The following POLD3 variants were observed in gnomAD, a reference collection of about 807,000 sequenced individuals.
POLD3 encodes DNA polymerase delta 3, accessory subunit.
POLD3 carries 19 observed loss-of-function variants against 58.2 expected under a neutral mutation model. That is an observed-to-expected ratio of 0.33 (90% CI 0.23 to 0.48). The LOEUF (loss-of-function observed/expected upper bound fraction) is 0.48, where lower values mean the gene tolerates loss of function less well. POLD3 is among the 20% of genes least tolerant of loss of function. The pLI is 0.99. For missense variants in POLD3, 504 were observed against 545.5 expected, an observed-to-expected ratio of 0.92 and a Z score of 0.76; for synonymous variants, 172 against 193.5, an observed-to-expected ratio of 0.89 and a Z score of 0.92.
intron 9 of POLD3, among the ~76,000 whole-genome samples, chr11:74,629,586 C>CTTTT (rs59268270): frequency 6.9e-6 from 1 of 144,380 alleles, no homozygotes; most frequent in South Asian, 2.2e-4. Flanking sequence ...CTTTTCTTTT[C>CTTTT]TTTTTTTTTT....
At chr11:74,669,085 A>G (rs929950986) in exon 5 of POLD3, 1 of 263,556 alleles carries the variant, frequency 3.8e-6, no homozygotes, top group African/African-American at 2.3e-5. Context: ...CAGAGGACCC[A>G]GGGTCTCTGC....
intron 2 of POLD3, among the ~76,000 whole-genome samples, chr11:74,603,496 T>C (rs770523658): frequency 6.6e-6 from 1 of 152,100 alleles, no homozygotes; most frequent in Non-Finnish European, 1.5e-5. Flanking sequence ...CCACCCTGGG[T>C]TTGCCCAGGA....
intron 4 of POLD3, among the ~76,000 whole-genome samples, chr11:74,666,955 T>G (rs11236203): frequency 0.45 from 66,058 of 145,934 alleles, 15,169 homozygotes; most frequent in Non-Finnish European, 0.52. Flanking sequence ...ATGTTTAAAG[T>G]TGCTAAAAAA....
At chr11:74,630,933 G>T (rs189100809) in intron 9 of POLD3, among the ~76,000 whole-genome samples, 1 of 152,254 alleles carries the variant, frequency 6.6e-6, no homozygotes, top group African/African-American at 2.4e-5. Flanking sequence ...ATGTGAGTGG[G>T]GTTATTTAGT....
At chr11:74,599,506 A>G (rs764599015) in intron 2 of POLD3, among the ~76,000 whole-genome samples, 14 of 151,754 alleles carry the variant, frequency 9.2e-5, no homozygotes, top group Non-Finnish European at 1.9e-4. Context: ...TGGGGATTAC[A>G]GCACCTGCCA....
At chr11:74,615,368 G>GA (rs112563653) in intron 5 of POLD3, among the ~76,000 whole-genome samples, 70 of 152,336 alleles carry the variant, frequency 4.6e-4, no homozygotes, top group African/African-American at 1.6e-3. Flanking sequence ...AGCCCCTAAG[G>GA]AAAGAGGTTC....
intron 11 of POLD3, among the ~76,000 whole-genome samples, chr11:74,637,215 C>G (rs2032773647): frequency 6.6e-6 from 1 of 151,950 alleles, no homozygotes; most frequent in Non-Finnish European, 1.5e-5. Context: ...ATCAACCTTT[C>G]CAGGTTCTTA....
intron 4 of POLD3, among the ~76,000 whole-genome samples, chr11:74,660,827 T>C (rs1240642045): frequency 6.6e-6 from 1 of 152,182 alleles, no homozygotes; most frequent in Non-Finnish European, 1.5e-5. Context: ...ACTGAGTCAA[T>C]GAAACCTTTT....
intron 8 of POLD3, among the ~76,000 whole-genome samples, chr11:74,628,109 A>G (rs2032483410): frequency 6.6e-6 from 1 of 152,130 alleles, no homozygotes; most frequent in African/African-American, 2.4e-5. Context: ...AACTCAGTCA[A>G]AATTTGATCT....
chr11:74,615,270 A>C (rs926179751), intron 5 of POLD3, among the ~76,000 whole-genome samples: 1 of 152,214 alleles, frequency 6.6e-6, no homozygotes, highest in African/African-American at 2.4e-5. Context: ...CATAGTAAGC[A>C]CTATTTAATG....
At chr11:74,656,953 A>G (rs1241461073) in intron 4 of POLD3, among the ~76,000 whole-genome samples, 1 of 7,204 alleles carries the variant, frequency 1.4e-4, no homozygotes, top group Non-Finnish European at 3.3e-4. Context: ...AAATCTGGCC[A>G]GTGCTGAAAG....
rs753406929 is a variant in POLD3 at position 74,592,637 on chromosome 11, C to T, written c.-22C>T. ...CTGTGATTGAGAGAGGGGTTAGAGG[C>T]GGGTCCCAGCGCTGCCGCACCATGG... On this transcript the variant is annotated 5_prime_UTR_variant, in exon 1 of 12. Transcript: ENST00000263681. The T allele has an allele frequency of 3.8e-6, 6 of 1,599,984 alleles. No individual in the cohort carries two copies. The Admixed American group carries it at 5.1e-5, about 14-fold the overall frequency.
At chr11:74,616,331 C>G (rs2032077769) in intron 5 of POLD3, among the ~76,000 whole-genome samples, 1 of 152,172 alleles carries the variant, frequency 6.6e-6, no homozygotes, top group Admixed American at 6.5e-5. Context: ...CAACTGAGAT[C>G]TCACTTATGA....
At chr11:74,605,214 T>C (rs1210104533) in intron 3 of POLD3, among the ~76,000 whole-genome samples, 1 of 152,240 alleles carries the variant, frequency 6.6e-6, no homozygotes, top group Admixed American at 6.5e-5. Flanking sequence ...TCTAAGTGCC[T>C]GAAGGGTAAG....
chr11:74,595,872 C>T (rs909859163), intron 2 of POLD3, among the ~76,000 whole-genome samples: 3 of 152,102 alleles, frequency 2.0e-5, no homozygotes, highest in Non-Finnish European at 4.4e-5. Context: ...CAAGCCCCTG[C>T]CTTGGCCTCC....
exon 5 of POLD3, chr11:74,668,882 C>T (rs1250618820): frequency 1.4e-5 from 13 of 921,198 alleles, no homozygotes; most frequent in African/African-American, 6.9e-5. Flanking sequence ...TCTCAAGCCT[C>T]GGAAGCACAG....
intron 11 of POLD3, among the ~76,000 whole-genome samples, chr11:74,636,608 A>C (rs648043): frequency 6.6e-6 from 1 of 152,236 alleles, no homozygotes; most frequent in African/African-American, 2.4e-5. Flanking sequence ...AAATATATCC[A>C]AAAACAAGAT....
chr11:74,646,365 C>T (rs1009175744), downstream of POLD3, among the ~76,000 whole-genome samples: 1 of 152,162 alleles, frequency 6.6e-6, no homozygotes, highest in Admixed American at 6.5e-5. Context: ...TCAAATCAAC[C>T]TCTTATCTGA....
At position 74,642,288 on chromosome 11, in the gene POLD3, G is replaced by A; in HGVS notation, c.*1522G>A. On this transcript the variant is annotated 3_prime_UTR_variant, in exon 12 of 12. Coordinates refer to ENST00000263681, the MANE Select transcript of POLD3 (RefSeq NM_006591.3). ...GCAGTGGCTTTGTATAGCAAGCTGA[G>A]TAAAGGTTGACATATTCCAAAACCC... 2.0e-6 allele frequency: 2 copies of A among 985,246 alleles called. No homozygotes were observed. The highest frequency in any genetic ancestry group is 3.5e-5 in the African/African-American group (2 of 57,366). 61.0% of individuals were successfully genotyped at this position (985,246 alleles called of 1,614,324 possible).
Sources: gnomAD v4.1 joint callset for allele counts (sites outside exome capture counted in the v4.1 genomes callset) on GRCh38, gnomAD v4.1.1 for gene constraint, MANE v1.5 for transcripts, NCBI Gene and HGNC (gene_info 2026-07-23, HGNC 2026-07-21) for gene names.